FIRRM: variants seen among roughly 807,000 people sequenced by gnomAD.
FIRRM encodes the protein FIGNL1 interacting regulator of recombination and mitosis.
At chr1:169,802,477 G>T in the FIRRM span, 196 of 521,584 alleles carry the variant, frequency 3.8e-4, no homozygotes, top group African/African-American at 3.4e-3. Context: ...GCTTAATTAG[G>T]TACAATTGTT....
At chr1:169,810,016 C>CT in the FIRRM span, among the ~76,000 whole-genome samples, 1 of 152,170 alleles carries the variant, frequency 6.6e-6, no homozygotes, top group East Asian at 1.9e-4. Context: ...GATTTGGTGT[C>CT]TAACGAGGGT....
chr1:169,813,590 A>G, the FIRRM span, among the ~76,000 whole-genome samples: 1 of 152,258 alleles, frequency 6.6e-6, no homozygotes, highest in African/African-American at 2.4e-5. Context: ...TCAATAGACA[A>G]ATCTCTGAAA....
the FIRRM span, among the ~76,000 whole-genome samples, chr1:169,823,643 C>T: frequency 4.6e-5 from 7 of 152,078 alleles, no homozygotes; most frequent in Non-Finnish European, 7.4e-5. Context: ...AGATACATTC[C>T]ACATGAGTTA....
chr1:169,833,538 T>A, the FIRRM span, among the ~76,000 whole-genome samples: 1 of 152,204 alleles, frequency 6.6e-6, no homozygotes, highest in Non-Finnish European at 1.5e-5. Flanking sequence ...TTGTAAAGAC[T>A]TGGAAATAAT....
chr1:169,820,304 C>G, the FIRRM span, among the ~76,000 whole-genome samples: 1 of 152,200 alleles, frequency 6.6e-6, no homozygotes, highest in Non-Finnish European at 1.5e-5. Flanking sequence ...CAAGTTCAGG[C>G]AGCACTTGTC....
chr1:169,819,590 C>T, the FIRRM span, among the ~76,000 whole-genome samples: 1 of 152,142 alleles, frequency 6.6e-6, no homozygotes, highest in Non-Finnish European at 1.5e-5. Context: ...ATCTGTGGTG[C>T]CCCCTCTGTT....
the FIRRM span, chr1:169,802,633 T>C: frequency 1.2e-6 from 2 of 1,607,532 alleles, no homozygotes; most frequent in South Asian, 1.1e-5. Context: ...TGTGAAATTA[T>C]TCGATGACAT....
chr1:169,794,147 C>G, the FIRRM span, among the ~76,000 whole-genome samples: 2 of 152,006 alleles, frequency 1.3e-5, no homozygotes, highest in African/African-American at 4.8e-5. Flanking sequence ...CAACCACCAC[C>G]ACTACCACCT....
the FIRRM span, among the ~76,000 whole-genome samples, chr1:169,784,360 C>T: frequency 2.0e-5 from 3 of 152,192 alleles, no homozygotes; most frequent in Admixed American, 6.5e-5. Context: ...TTTAAAAGTT[C>T]ACAAGTATTG....
At chr1:169,812,569 T>A in the FIRRM span, among the ~76,000 whole-genome samples, 1 of 152,068 alleles carries the variant, frequency 6.6e-6, no homozygotes, top group Non-Finnish European at 1.5e-5. Context: ...TTCAAAATAA[T>A]CGAAAAGGCT....
the FIRRM span, chr1:169,804,110 A>G: frequency 6.5e-7 from 1 of 1,540,044 alleles, no homozygotes; most frequent in Non-Finnish European, 8.7e-7. Flanking sequence ...GTTTACACCT[A>G]GTTTCAGACC....
At chr1:169,847,830 A>G in the FIRRM span, 9 of 1,450,258 alleles carry the variant, frequency 6.2e-6, no homozygotes, top group African/African-American at 8.4e-5. Context: ...CTGTTCTTGT[A>G]TTATTAAAAC....
At chr1:169,818,845 C>A in the FIRRM span, among the ~76,000 whole-genome samples, 2 of 152,120 alleles carry the variant, frequency 1.3e-5, no homozygotes, top group Non-Finnish European at 2.9e-5. Flanking sequence ...AGCCACCACA[C>A]CTGGCTAATT....
the FIRRM span, among the ~76,000 whole-genome samples, chr1:169,828,103 G>A: frequency 9.2e-5 from 14 of 152,242 alleles, 2 homozygotes; most frequent in Non-Finnish European, 1.5e-5. Flanking sequence ...AACATTGATT[G>A]TAATAGAGTA....
chr1:169,851,627 T>C, the FIRRM span: 1 of 679,084 alleles, frequency 1.5e-6, no homozygotes, highest in Non-Finnish European at 2.4e-6. Flanking sequence ...TAACTAACTA[T>C]TTTGTAAGGA....
chr1:169,804,144 G>T, the FIRRM span: 1 of 1,598,574 alleles, frequency 6.3e-7, no homozygotes, highest in East Asian at 2.3e-5. Flanking sequence ...TTTCAAGGAG[G>T]CCTATTCTCT....
At chr1:169,820,740 G>A in the FIRRM span, among the ~76,000 whole-genome samples, 1 of 152,174 alleles carries the variant, frequency 6.6e-6, no homozygotes, top group South Asian at 2.1e-4. Context: ...TGACTAATTG[G>A]TGCTGCAGTC....
the FIRRM span, among the ~76,000 whole-genome samples, chr1:169,803,518 TTTATC>T: frequency 1.3e-5 from 2 of 152,200 alleles, no homozygotes. Context: ...GTTTTTTAGT[TTTATC>T]TTATTTCCCC....
the FIRRM span, chr1:169,827,265 C>G: frequency 1.6e-6 from 2 of 1,285,940 alleles, no homozygotes; most frequent in South Asian, 3.2e-5. Flanking sequence ...CTGATTTCCC[C>G]TAGCCATTCT....
Sources: allele counts gnomAD v4.1 joint callset (sites outside exome capture counted in the v4.1 genomes callset), GRCh38; gene constraint gnomAD v4.1.1; transcripts MANE v1.5; gene names NCBI Gene and HGNC (gene_info 2026-07-23, HGNC 2026-07-21).